Variants in ACSS1 observed in about 807,000 individuals in gnomAD.
ACSS1 encodes acyl-CoA synthetase short chain family member 1, also known as acetyl-coenzyme A synthetase 2-like, mitochondrial.
A neutral mutation model predicts 75.3 loss-of-function variants in ACSS1; 42 were observed. The observed-to-expected ratio is 0.56, with a 90% CI of 0.44 to 0.72. ACSS1 has a LOEUF of 0.72. ACSS1 is among the 30% of genes least tolerant of loss of function. The pLI is 0.00. For synonymous variants in ACSS1, 380 were observed against 376.8 expected, an observed-to-expected ratio of 1.01 and a Z score of -0.10; for missense variants, 782 against 935.7, an observed-to-expected ratio of 0.84 and a Z score of 2.14.
intron 2 of ACSS1, among the ~76,000 whole-genome samples, chr20:25,036,993 GAAAGAAGA>G (rs1216983000): frequency 6.6e-4 from 70 of 106,256 alleles, no homozygotes; most frequent in African/African-American, 2.2e-3. Flanking sequence ...GAAAAAGAAA[GAAAGAAGA>G]AAGAAAGGAA....
intron 1 of ACSS1, 32 bp downstream of exon 1, chr20:25,057,737 G>A (rs1463331168): frequency 1.3e-6 from 2 of 1,524,304 alleles, no homozygotes; most frequent in Admixed American, 1.8e-5. Context: ...CCAAGAGTTG[G>A]GGGCGTCCTG....
Position 25,036,462 on chromosome 20 carries a change from T to C in ACSS1, c.432-5504A>G, listed in dbSNP as rs1288932596. Among the ~76,000 whole-genome samples the C allele has an allele frequency of 4.1e-5, 6 of 147,274 alleles. No individual in the cohort carries two copies. In the East Asian group the frequency reaches 9.9e-4, roughly 24 times the overall value. ...CACCCCCCGCCTCAGAATTTAAAAT[T>C]AGTCCAAAACAGGAAACAGCTGGAA... On this transcript the variant is annotated intron_variant, in intron 2 of 13. Coordinates refer to ENST00000323482, the MANE Select transcript of ACSS1 (RefSeq NM_032501.4).
intron 2 of ACSS1, among the ~76,000 whole-genome samples, chr20:25,035,614 G>T (rs1390529970): frequency 6.6e-6 from 1 of 151,944 alleles, no homozygotes; most frequent in Non-Finnish European, 1.5e-5. Flanking sequence ...ATGTTGGCCA[G>T]GCTGGTCCTG....
intron 6 of ACSS1, 92 bp downstream of exon 6, chr20:25,021,297 C>T (rs1487032783): frequency 2.7e-6 from 4 of 1,489,082 alleles, no homozygotes; most frequent in Non-Finnish European, 3.6e-6. Flanking sequence ...ACCCAGGCGT[C>T]CCCCTTCCAT....
intron 2 of ACSS1, among the ~76,000 whole-genome samples, chr20:25,034,694 G>A (rs979046841): frequency 2.6e-5 from 4 of 151,534 alleles, no homozygotes; most frequent in Middle Eastern, 3.4e-3. Context: ...TCAGCCTCCC[G>A]AGTAGTTGGG....
intron 3 of ACSS1, among the ~76,000 whole-genome samples, chr20:25,029,306 G>A (rs115887960): frequency 6.6e-6 from 1 of 152,282 alleles, no homozygotes; most frequent in South Asian, 2.1e-4. Context: ...TTAGGGAAAT[G>A]CAAATCAAAA....
At position 25,028,854 on chromosome 20, in the gene ACSS1, A is replaced by C. The variant is rs186680988; in HGVS notation, c.631+1905T>G. Among the ~76,000 whole-genome samples, 415 of 152,164 alleles carry C rather than the reference A, an allele frequency of 2.7e-3. 2 individuals are homozygous for C. The highest frequency in any genetic ancestry group is 9.8e-3 in the African/African-American group (407 of 41,498). ...AGAATCACTTGAACCCAGGAGGCGG[A>C]GGTTGCAGTGAGCTGAGATCATGCC... On this transcript the variant is annotated intron_variant, in intron 3 of 13. Transcript: ENST00000323482.
intron 3 of ACSS1, 139 bp from the exon 4 acceptor site, chr20:25,023,780 T>C (rs2088668991): frequency 1.2e-6 from 1 of 819,246 alleles, no homozygotes; most frequent in Non-Finnish European, 1.8e-6. Flanking sequence ...ATGGAAAAAG[T>C]GAGGGGCTGC....
In ACSS1 at chr20:25,023,081, C is replaced by T. The variant is rs1324182176; in HGVS notation, c.819G>A (p.Lys273=). 2 of 1,611,880 alleles carry T rather than the reference C, an allele frequency of 1.2e-6. No individual in the cohort carries two copies. Among genetic ancestry groups the T allele is most frequent in the African/African-American group, 2.7e-5 (2 of 74,864 alleles). Residue 273 remains lysine, a synonymous_variant, in exon 5 of 14, where the codon AAG becomes AAA. Transcript: ENST00000323482. ...LDVPLEQEMA[K]EDPVCAPESM... ...TCTCTGGGGCGCAAACAGGGTCCTC[C>T]TTGGCCATTTCCTGGCAGGGAGAAG...
intron 1 of ACSS1, 101 bp from the exon 2 acceptor site, chr20:25,048,282 CTCT>C: frequency 2.2e-6 from 2 of 924,682 alleles, no homozygotes; most frequent in Non-Finnish European, 3.3e-6. Flanking sequence ...CTGTGGCTCT[CTCT>C]TCTTCCACTG....
At chr20:25,057,705 A>C in intron 1 of ACSS1, 64 bp downstream of exon 1, 1 of 1,443,010 alleles carries the variant, frequency 6.9e-7, no homozygotes, top group Non-Finnish European at 9.3e-7. Flanking sequence ...CGCTGGCGAG[A>C]GGCTCCGAGT....
At chr20:25,037,300 C>T (rs926819467) in intron 2 of ACSS1, among the ~76,000 whole-genome samples, 5 of 152,074 alleles carry the variant, frequency 3.3e-5, no homozygotes, top group East Asian at 1.9e-4. Flanking sequence ...CCACCAAGAG[C>T]GACACCCACC....
chr20:25,009,743 C>T (rs549734082), intron 12 of ACSS1: 54 of 212,986 alleles, frequency 2.5e-4, no homozygotes, highest in African/African-American at 1.2e-3. Flanking sequence ...TGGAATGAGA[C>T]TTCCATGAGA....
At chr20:25,041,252 C>T (rs1243741265) in intron 2 of ACSS1, among the ~76,000 whole-genome samples, 4 of 114,810 alleles carry the variant, frequency 3.5e-5, no homozygotes, top group Admixed American at 9.4e-5. Context: ...AGCGAGACTC[C>T]GTCTCAAAAA....
In ACSS1 at chr20:25,032,578, C is replaced by G. The variant is rs2088845561; in HGVS notation, c.432-1620G>C. 3 of 1,244,306 alleles carry G rather than the reference C, an allele frequency of 2.4e-6. No individual in the cohort carries two copies. The East Asian group carries it at 9.3e-5, about 39-fold the overall frequency. The allele number at this position is 1,244,306 out of a possible 1,614,324, so 77.1% of individuals were successfully genotyped here. A position where few individuals can be genotyped will look rare whatever the true frequency, so the allele number is the denominator to read the frequency against. The stretch of plus-strand genomic sequence containing the variant: ...CAAGGCCCTTTCTCTCTGGGCGGGG[C>G]AGACCACCAGCCCGCGACCCCTGCC... On this transcript the variant is annotated intron_variant, in intron 2 of 13. Coordinates refer to ENST00000323482, the MANE Select transcript of ACSS1 (RefSeq NM_032501.4).
intron 2 of ACSS1, among the ~76,000 whole-genome samples, chr20:25,045,018 C>T (rs544738494): frequency 3.1e-4 from 47 of 152,358 alleles, no homozygotes; most frequent in Admixed American, 8.5e-4. Context: ...CCAGCCAGCA[C>T]GAGGTCCAAC....
intron 2 of ACSS1, among the ~76,000 whole-genome samples, chr20:25,032,191 G>A (rs111570779): frequency 9.8e-5 from 15 of 152,320 alleles, no homozygotes; most frequent in African/African-American, 3.6e-4. Flanking sequence ...GTGTGCGCAT[G>A]CCCTTCCTCT....
Position 25,047,032 on chromosome 20 carries a change from G to A in ACSS1, c.431+1053C>T, listed in dbSNP as rs564703621. Among the ~76,000 whole-genome samples, 20 of 152,298 alleles carry A rather than the reference G, an allele frequency of 1.3e-4. No individual in the cohort carries two copies. The East Asian group carries it at 1.5e-3, about 12-fold the overall frequency. On this transcript the variant is annotated intron_variant, in intron 2 of 13. Coordinates refer to ENST00000323482, the MANE Select transcript of ACSS1 (RefSeq NM_032501.4). ...AGCAGGACAGGGCCCACTGGGAGCC[G>A]CAGCAGATCCACTAGCATCACTCGT...
At chr20:25,033,753 G>A (rs987989739) in intron 2 of ACSS1, among the ~76,000 whole-genome samples, 4 of 152,224 alleles carry the variant, frequency 2.6e-5, no homozygotes, top group Non-Finnish European at 5.9e-5. Context: ...AGCTCAACTT[G>A]GTGGTACAGC....
Sources: gnomAD v4.1 joint callset for allele counts (sites outside exome capture counted in the v4.1 genomes callset) on GRCh38, gnomAD v4.1.1 for gene constraint, MANE v1.5 for transcripts, NCBI Gene and HGNC (gene_info 2026-07-23, HGNC 2026-07-21) for gene names.